TMEM51: variants seen among roughly 807,000 people sequenced by gnomAD.
TMEM51 encodes chromosome 1 open reading frame 72.
TMEM51 carries 8 observed loss-of-function variants against 13.6 expected under a neutral mutation model. The ratio of observed to expected loss-of-function variants is 0.59; its 90% CI spans 0.35 to 1.07. The LOEUF (loss-of-function observed/expected upper bound fraction) is 1.07. Ranked by LOEUF, TMEM51 falls within the 50% of genes least tolerant of loss-of-function variation. The probability of loss-of-function intolerance (pLI) is 0.02; values close to 1 mark genes in which losing one functional copy is unlikely to be tolerated. For synonymous variants in TMEM51, 147 were observed against 144.4 expected (o/e 1.02, Z -0.13); for missense variants, 279 against 330.7 (o/e 0.84, Z 1.21).
intron 1 of TMEM51, among the ~76,000 whole-genome samples, chr1:15,173,079 A>G (rs1643344355): frequency 6.6e-6 from 1 of 152,156 alleles, no homozygotes; most frequent in Non-Finnish European, 1.5e-5. Flanking sequence ...CATGTGTAAT[A>G]AACTTCTGGC....
chr1:15,157,964 T>A (rs1642644300), intron 1 of TMEM51, among the ~76,000 whole-genome samples: 1 of 152,142 alleles, frequency 6.6e-6, no homozygotes, highest in South Asian at 2.1e-4. Flanking sequence ...TTGTTGTTGC[T>A]TTTGAAAAAA....
rs368485318 is a variant in TMEM51 at position 15,219,793 on chromosome 1, C to T, written c.*50C>T. The T allele has an allele frequency of 1.9e-6, 3 of 1,574,652 alleles. No homozygotes were observed. In the East Asian group the frequency reaches 6.7e-5, roughly 35 times the overall value. On this transcript the variant is annotated 3_prime_UTR_variant, in exon 4 of 4. Transcript: ENST00000376008. Reference sequence around the variant, plus strand: ...CTCCTGTCTCTCACACCTTTCACCCCCAAGACTCTAACAAAGCCACATGAG... The same window carrying T: ...CTCCTGTCTCTCACACCTTTCACCCTCAAGACTCTAACAAAGCCACATGAG...
intron 1 of TMEM51, among the ~76,000 whole-genome samples, chr1:15,189,735 C>T (rs1643890109): frequency 6.6e-6 from 1 of 152,190 alleles, no homozygotes; most frequent in African/African-American, 2.4e-5. Context: ...ATTCCATTTA[C>T]AAAGATGACA....
chr1:15,156,215 G>A (rs1000766328), intron 1 of TMEM51, among the ~76,000 whole-genome samples: 13 of 152,176 alleles, frequency 8.5e-5, no homozygotes, highest in Non-Finnish European at 4.4e-5. Context: ...TCTCCGGCTC[G>A]CTGGCTCCAG....
chr1:15,195,779 T>C (rs1424049652), intron 1 of TMEM51, among the ~76,000 whole-genome samples: 8 of 152,152 alleles, frequency 5.3e-5, no homozygotes, highest in Admixed American at 5.2e-4. Context: ...TCCAGCAGCC[T>C]GAGCACAGAG....
intron 1 of TMEM51, among the ~76,000 whole-genome samples, chr1:15,195,615 G>C (rs61482262): frequency 0.17 from 26,569 of 152,060 alleles, 2,441 homozygotes; most frequent in Non-Finnish European, 0.2. Flanking sequence ...TGAGTCTCTT[G>C]ACTCATCGAT....
At chr1:15,187,781 G>T (rs1643827492) in intron 1 of TMEM51, among the ~76,000 whole-genome samples, 1 of 152,108 alleles carries the variant, frequency 6.6e-6, no homozygotes, top group Non-Finnish European at 1.5e-5. Flanking sequence ...TTCCCTCACT[G>T]CTGGGGCCAC....
At chr1:15,171,739 G>T (rs879293352) in intron 1 of TMEM51, among the ~76,000 whole-genome samples, 1 of 152,184 alleles carries the variant, frequency 6.6e-6, no homozygotes, top group African/African-American at 2.4e-5. Flanking sequence ...TCTGGGAAAA[G>T]TAGTTCCAGC....
intron 2 of TMEM51, among the ~76,000 whole-genome samples, chr1:15,210,856 A>G (rs1334043163): frequency 1.3e-5 from 2 of 152,216 alleles, no homozygotes; most frequent in Non-Finnish European, 2.9e-5. Flanking sequence ...TCCAGGGTCA[A>G]CAAGCCAAGA....
At chr1:15,189,810 T>C (rs1352647498) in intron 1 of TMEM51, among the ~76,000 whole-genome samples, 1 of 152,226 alleles carries the variant, frequency 6.6e-6, no homozygotes, top group Non-Finnish European at 1.5e-5. Context: ...TTGTGATTCA[T>C]CTGTGAAGCC....
intron 1 of TMEM51, among the ~76,000 whole-genome samples, chr1:15,186,299 A>G (rs1643771222): frequency 6.6e-6 from 1 of 152,256 alleles, no homozygotes; most frequent in Admixed American, 6.5e-5. Flanking sequence ...TCAAAATGGC[A>G]GCAGTGTGCT....
intron 1 of TMEM51, among the ~76,000 whole-genome samples, chr1:15,182,051 C>T (rs1643631828): frequency 6.6e-6 from 1 of 152,010 alleles, no homozygotes; most frequent in South Asian, 2.1e-4. Context: ...ATCCCAGCTA[C>T]TCGGGAGGCT....
chr1:15,199,259 A>G (rs1376955904), intron 1 of TMEM51, among the ~76,000 whole-genome samples: 2 of 151,796 alleles, frequency 1.3e-5, no homozygotes, highest in Admixed American at 1.3e-4. Context: ...CAGCCTCCCG[A>G]GTAGCTGGGA....
At chr1:15,170,991 A>T (rs1643249386) in intron 1 of TMEM51, among the ~76,000 whole-genome samples, 1 of 151,928 alleles carries the variant, frequency 6.6e-6, no homozygotes. Flanking sequence ...GCCTCCCTAG[A>T]GGCAGGTTTT....
At chr1:15,165,946 T>C (rs1642981626) in intron 1 of TMEM51, among the ~76,000 whole-genome samples, 1 of 152,010 alleles carries the variant, frequency 6.6e-6, no homozygotes, top group Non-Finnish European at 1.5e-5. Context: ...AAAAAAAAAG[T>C]TAGGGTTATA....
At chr1:15,203,859 C>G (rs1644203056) in intron 1 of TMEM51, among the ~76,000 whole-genome samples, 2 of 152,116 alleles carry the variant, frequency 1.3e-5, no homozygotes, top group South Asian at 4.1e-4. Context: ...GACTGAGAGC[C>G]CTAAGAATTG....
At position 15,219,033 on chromosome 1, in the gene TMEM51, C is replaced by G. The variant is rs191537789; in HGVS notation, c.345-293C>G. Among the ~76,000 whole-genome samples the G allele has an allele frequency of 1.3e-3, 197 of 152,270 alleles. 2 individuals carry two copies. The highest frequency in any genetic ancestry group is 2.3e-3 in the Non-Finnish European group (158 of 68,008). On this transcript the variant is annotated intron_variant, in intron 3 of 3. Coordinates refer to ENST00000376008, the MANE Select transcript of TMEM51 (RefSeq NM_001136218.2). ...CCTTGAATTCCTTCCTTGATGAAGC[C>G]AAGAACCCTCCCAGGCTAAGCCCCA...
At chr1:15,199,177 G>C (rs1644106634) in intron 1 of TMEM51, among the ~76,000 whole-genome samples, 1 of 150,758 alleles carries the variant, frequency 6.6e-6, no homozygotes, top group African/African-American at 2.4e-5. Context: ...TTGTTGCCCA[G>C]GCTGGAGTGC....
In TMEM51 at chr1:15,219,675, C is replaced by G. The variant is rs1198497705; in HGVS notation, c.694C>G (p.Pro232Ala). 1 of 1,613,938 alleles carries G rather than the reference C, an allele frequency of 6.2e-7. No individual in the cohort carries two copies. The highest frequency in any genetic ancestry group is 1.1e-5 in the South Asian group (1 of 91,082). The change falls in exon 4 of 4, where the codon CCT becomes GCT. Residue 232 changes from proline to alanine, a missense_variant. Coordinates refer to ENST00000376008, the MANE Select transcript of TMEM51 (RefSeq NM_001136218.2). ...AAACGTCCCTCCTCCCTCGATAGAG[C>G]CTTTGACTCCTCCACCGCAGTATGA... ...DKNVPPPSIE[P>A]LTPPPQYDEV...
Sources: allele counts gnomAD v4.1 joint callset (sites outside exome capture counted in the v4.1 genomes callset), GRCh38; gene constraint gnomAD v4.1.1; transcripts MANE v1.5; gene names NCBI Gene and HGNC (gene_info 2026-07-23, HGNC 2026-07-21).